Variants in SLC22A24 observed in about 807,000 individuals in gnomAD.
The protein encoded by SLC22A24 is solute carrier family 22 member 24, also known as steroid transmembrane transporter SLC22A24.
SLC22A24 carries 53 observed loss-of-function variants against 49.8 expected under a neutral mutation model. That is an observed-to-expected ratio of 1.06 (90% CI 0.85 to 1.34). The LOEUF (loss-of-function observed/expected upper bound fraction) is 1.34, where lower values mean the gene tolerates loss of function less well. Among genes scored for constraint, SLC22A24 ranks in the 40% most tolerant of loss-of-function variants. The probability of loss-of-function intolerance (pLI) is 0.00; values close to 1 mark genes in which losing one functional copy is unlikely to be tolerated. For missense variants in SLC22A24, 786 were observed against 675.9 expected (o/e 1.16, Z -1.81); for synonymous variants, 302 against 256.4 (o/e 1.18, Z -1.70).
At chr11:63,110,166 G>A (rs10897357) in intron 4 of SLC22A24, among the ~76,000 whole-genome samples, 115,786 of 147,194 alleles carry the variant, frequency 0.79, 46,635 homozygotes, top group East Asian at 0.9. Flanking sequence ...GTAGATATGC[G>A]GCGTTATTTC....
At chr11:63,138,501 G>A (rs1158092090) in intron 1 of SLC22A24, among the ~76,000 whole-genome samples, 1 of 151,868 alleles carries the variant, frequency 6.6e-6, no homozygotes, top group African/African-American at 2.4e-5. Flanking sequence ...AATTAGCCGG[G>A]TGTGGTGGCG....
chr11:63,141,809 G>A (rs1000812803), intron 1 of SLC22A24, among the ~76,000 whole-genome samples: 5 of 152,184 alleles, frequency 3.3e-5, no homozygotes, highest in Non-Finnish European at 7.3e-5. Context: ...CAAATAATCA[G>A]GCCAAGTACA....
Position 63,143,427 on chromosome 11 carries a change from T to C in SLC22A24, c.353A>G (p.Asp118Gly), listed in dbSNP as rs767317376. 1.9e-6 allele frequency: 3 copies of C among 1,538,742 alleles called. No individual in the cohort carries two copies. In the Admixed American group the frequency reaches 6.3e-5, roughly 32 times the overall value. Residue 118 changes from aspartate to glycine, a missense_variant, in exon 1 of 10, where the codon GAT (aspartate) becomes GGT (glycine). Transcript: ENST00000612278. ...TNEPDTEPCV[D>G]GWVYDRSSFL... Reference sequence around the variant, plus strand: ...AGAGCTTCTGTCGTACACCCAGCCATCCACACAGGGCTCCGTGTCTGGCTC... The same window carrying C: ...AGAGCTTCTGTCGTACACCCAGCCACCCACACAGGGCTCCGTGTCTGGCTC...
intron 9 of SLC22A24, among the ~76,000 whole-genome samples, chr11:63,080,266 G>A (rs75898484): frequency 0.028 from 4,322 of 152,164 alleles, 184 homozygotes; most frequent in African/African-American, 0.097. Flanking sequence ...AAATCAAAGC[G>A]AGAATTGAAA....
rs773731498 is a variant in SLC22A24, at chr11:63,080,871, C to T, written c.1598+49G>A. Reference sequence around the variant, plus strand: ...GTTGACCTTTCTCATTAAACAGCTACAGCACATAGCCACTCCCCACTCAAG... The same window carrying T: ...GTTGACCTTTCTCATTAAACAGCTATAGCACATAGCCACTCCCCACTCAAG... On this transcript the variant is annotated intron_variant, in intron 9 of 9. Transcript: ENST00000612278. The T allele has an allele frequency of 2.4e-4, 355 of 1,480,148 alleles. 1 individual carries two copies. Among genetic ancestry groups the T allele is most frequent in the Non-Finnish European group, 3.0e-4 (331 of 1,086,654 alleles). The allele number at this position is 1,480,148 out of a possible 1,614,324, so 91.7% of individuals were successfully genotyped here.
At chr11:63,121,337 C>T (rs925694172) in intron 2 of SLC22A24, among the ~76,000 whole-genome samples, 2 of 151,924 alleles carry the variant, frequency 1.3e-5, no homozygotes, top group African/African-American at 4.8e-5. Flanking sequence ...AGTAAAGAAA[C>T]ACATATCGAG....
intron 4 of SLC22A24, among the ~76,000 whole-genome samples, chr11:63,108,868 T>C (rs2087141172): frequency 6.6e-6 from 1 of 151,392 alleles, no homozygotes; most frequent in African/African-American, 2.4e-5. Context: ...TATTATACTT[T>C]AAGTTTTAGG....
chr11:63,099,456 T>C (rs2087077397), intron 5 of SLC22A24, among the ~76,000 whole-genome samples: 1 of 129,142 alleles, frequency 7.7e-6, no homozygotes, highest in Non-Finnish European at 1.6e-5. Flanking sequence ...ACTCAAGCAA[T>C]TCTTCTGCCT....
intron 5 of SLC22A24, among the ~76,000 whole-genome samples, chr11:63,100,086 CAA>C (rs1238874565): frequency 6.6e-6 from 1 of 152,012 alleles, no homozygotes; most frequent in African/African-American, 2.4e-5. Context: ...AGCAATCAGA[CAA>C]GAGACAGATA....
intron 1 of SLC22A24, among the ~76,000 whole-genome samples, chr11:63,136,091 T>G (rs2087372295): frequency 6.6e-6 from 1 of 152,190 alleles, no homozygotes. Context: ...ATCATTGTTT[T>G]GAAGTGTCAT....
At chr11:63,133,116 G>A (rs1454435405) in intron 2 of SLC22A24, among the ~76,000 whole-genome samples, 1 of 152,206 alleles carries the variant, frequency 6.6e-6, no homozygotes, top group African/African-American at 2.4e-5. Flanking sequence ...GGGACCCACC[G>A]AGCCAGGCAT....
At chr11:63,087,024 G>GCGCACACACACACACACA (rs376936925) in intron 6 of SLC22A24, among the ~76,000 whole-genome samples, 135 of 132,620 alleles carry the variant, frequency 1.0e-3, no homozygotes, top group African/African-American at 2.7e-3. Context: ...CCTGGAGGGC[G>GCGCACACACACACACACA]CACACACACA....
At chr11:63,142,705 G>A (rs1263596257) in intron 1 of SLC22A24, among the ~76,000 whole-genome samples, 3 of 152,058 alleles carry the variant, frequency 2.0e-5, no homozygotes, top group Non-Finnish European at 2.9e-5. Context: ...CACCCAGATC[G>A]ATAAACTGGC....
chr11:63,120,036 A>T (rs934074705), intron 2 of SLC22A24, among the ~76,000 whole-genome samples: 1 of 151,124 alleles, frequency 6.6e-6, no homozygotes, highest in Non-Finnish European at 1.5e-5. Context: ...TTGTCAGATG[A>T]GTAGGTTGTG....
chr11:63,094,989 G>C (rs547320169), intron 6 of SLC22A24, among the ~76,000 whole-genome samples: 1 of 152,118 alleles, frequency 6.6e-6, no homozygotes, highest in East Asian at 1.9e-4. Flanking sequence ...AGTTTAATTA[G>C]ATCCCATTTG....
intron 1 of SLC22A24, among the ~76,000 whole-genome samples, chr11:63,136,512 A>C (rs2087375812): frequency 6.6e-6 from 1 of 152,090 alleles, no homozygotes; most frequent in African/African-American, 2.4e-5. Context: ...CACCATATTC[A>C]CCTGACCTCT....
chr11:63,108,468 C>T (rs1051405138), intron 4 of SLC22A24, among the ~76,000 whole-genome samples: 6 of 152,010 alleles, frequency 3.9e-5, no homozygotes, highest in Non-Finnish European at 8.8e-5. Context: ...GGGAGGATTC[C>T]CTCTCTTTCT....
At chr11:63,094,682 G>A (rs1261836277) in intron 6 of SLC22A24, among the ~76,000 whole-genome samples, 7 of 152,134 alleles carry the variant, frequency 4.6e-5, no homozygotes, top group South Asian at 2.1e-4. Flanking sequence ...TCTAACTGGT[G>A]TGAGATGGTA....
chr11:63,142,156 C>A (rs1053716386), intron 1 of SLC22A24, among the ~76,000 whole-genome samples: 2 of 152,122 alleles, frequency 1.3e-5, no homozygotes, highest in East Asian at 3.8e-4. Context: ...GCCACACAAG[C>A]CTTGGAAGCC....
Sources: gnomAD v4.1 joint callset for allele counts (sites outside exome capture counted in the v4.1 genomes callset) on GRCh38, gnomAD v4.1.1 for gene constraint, MANE v1.5 for transcripts, NCBI Gene and HGNC (gene_info 2026-07-23, HGNC 2026-07-21) for gene names.